The following PHKB variants were observed in gnomAD, a reference collection of about 807,000 sequenced individuals.
The protein encoded by PHKB is phosphorylase b kinase regulatory subunit beta.
A neutral mutation model predicts 152.1 loss-of-function variants in PHKB; 122 were observed. That is an observed-to-expected ratio of 0.80 (90% CI 0.69 to 0.93). The LOEUF is 0.93. Among genes scored for constraint, PHKB ranks in the 40% least tolerant of loss-of-function variants. PHKB has a pLI of 0.00. For synonymous variants in PHKB, 436 were observed against 464.9 expected, an observed-to-expected ratio of 0.94 and a Z score of 0.80; for missense variants, 1,304 against 1,328.4, an observed-to-expected ratio of 0.98 and a Z score of 0.29.
chr16:47,661,654 T>C (rs1283269952), intron 22 of PHKB, 65 bp from the exon 23 acceptor site: 1 of 997,474 alleles, frequency 1.0e-6, no homozygotes. Flanking sequence ...TTGTGATTAG[T>C]TACCCTCTGT....
intron 14 of PHKB, among the ~76,000 whole-genome samples, chr16:47,638,072 ATAC>A (rs1229153589): frequency 6.6e-6 from 1 of 152,152 alleles, no homozygotes; most frequent in Admixed American, 6.5e-5. Flanking sequence ...TCCCCTGCCA[ATAC>A]CATCACCTTG....
chr16:47,639,923 C>G (rs1185187265), intron 14 of PHKB, among the ~76,000 whole-genome samples: 1 of 152,078 alleles, frequency 6.6e-6, no homozygotes, highest in African/African-American at 2.4e-5. Context: ...TTTTCTCACC[C>G]TTTTGGAAAA....
At chr16:47,697,221 C>T (rs987094577) in intron 29 of PHKB, among the ~76,000 whole-genome samples, 4 of 152,188 alleles carry the variant, frequency 2.6e-5, no homozygotes, top group Non-Finnish European at 4.4e-5. Flanking sequence ...CTTATTGCTA[C>T]GGAAGCTCTG....
chr16:47,468,655 CAAAAT>C (rs1401886328), intron 1 of PHKB, among the ~76,000 whole-genome samples: 1 of 152,160 alleles, frequency 6.6e-6, no homozygotes, highest in Non-Finnish European at 1.5e-5. Flanking sequence ...CTGTGTCTCA[CAAAAT>C]AAAATAAATA....
At chr16:47,637,605 GAA>G (rs1972944221) in intron 14 of PHKB, among the ~76,000 whole-genome samples, 1 of 152,174 alleles carries the variant, frequency 6.6e-6, no homozygotes, top group Non-Finnish European at 1.5e-5. Flanking sequence ...AGAATGAATA[GAA>G]TGAATATGTG....
At chr16:47,632,034 A>G (rs984210314) in intron 14 of PHKB, among the ~76,000 whole-genome samples, 4 of 152,158 alleles carry the variant, frequency 2.6e-5, no homozygotes, top group Admixed American at 2.0e-4. Flanking sequence ...GCTGTCGTGT[A>G]TTTCCATATG....
At chr16:47,675,991 C>A (rs1412489836) in intron 26 of PHKB, 1 of 152,154 alleles carries the variant, frequency 6.6e-6, no homozygotes, top group East Asian at 1.9e-4. Context: ...TATTAGACTT[C>A]ATCCTCAATA....
intron 16 of PHKB, among the ~76,000 whole-genome samples, chr16:47,645,427 C>A (rs1973098691): frequency 1.8e-5 from 2 of 110,220 alleles, no homozygotes; most frequent in Admixed American, 2.1e-4. Context: ...CAGCTTTCTA[C>A]ATATGGCTAG....
intron 1 of PHKB, among the ~76,000 whole-genome samples, chr16:47,476,660 T>G (rs948789797): frequency 1.3e-5 from 2 of 152,238 alleles, no homozygotes; most frequent in African/African-American, 4.8e-5. Flanking sequence ...CTTAGTTTTT[T>G]AAATTCTACT....
In PHKB at chr16:47,610,878, A is replaced by G. The variant is rs762405846; in HGVS notation, c.1416A>G (p.Pro472=). The part of the protein sequence containing the change: ...KDIDPVQRYV[P]LKDQRNVSMR... The stretch of plus-strand genomic sequence containing the variant: ...TTGATCCTGTCCAGCGCTATGTCCC[A>G]CTAAAGGATCAACGTAACGTGAGCA... The change falls in exon 14 of 31, where the codon CCA becomes CCG. Residue 472 remains proline, a synonymous_variant. Coordinates refer to ENST00000323584, the MANE Select transcript of PHKB (RefSeq NM_000293.3). 1 of 1,608,530 alleles carries G rather than the reference A, an allele frequency of 6.2e-7. No individual in the cohort carries two copies. Among genetic ancestry groups the G allele is most frequent in the Non-Finnish European group, 8.5e-7 (1 of 1,174,914 alleles).
chr16:47,613,760 T>G (rs1972468728), intron 14 of PHKB, among the ~76,000 whole-genome samples: 2 of 152,218 alleles, frequency 1.3e-5, no homozygotes, highest in African/African-American at 4.8e-5. Flanking sequence ...TTTATAATCA[T>G]ACCCACTTCC....
intron 7 of PHKB, among the ~76,000 whole-genome samples, chr16:47,570,321 T>G (rs1348649059): frequency 1.3e-5 from 2 of 152,250 alleles, no homozygotes; most frequent in Non-Finnish European, 2.9e-5. Flanking sequence ...TTTGGATGTC[T>G]AAATCTCTAG....
intron 1 of PHKB, among the ~76,000 whole-genome samples, chr16:47,489,915 A>G (rs1970117842): frequency 6.6e-6 from 1 of 152,220 alleles, no homozygotes. Context: ...GAATACTCAC[A>G]GATAGTTTCC....
chr16:47,617,869 A>C (rs1480789010), intron 14 of PHKB, among the ~76,000 whole-genome samples: 2 of 152,220 alleles, frequency 1.3e-5, no homozygotes, highest in African/African-American at 4.8e-5. Context: ...AGAACATGAA[A>C]GGCTTTAAGA....
rs367754565 is a variant in PHKB at position 47,570,039 on chromosome 16, T to G, written c.711-10256T>G. On this transcript the variant is annotated intron_variant, in intron 7 of 30. Transcript: ENST00000323584. ...TTGAAAGTCTTTATTTTGCCTTCAT[T>G]TCTTAAACTTAGTTTTGCTCTGTGC... Among the ~76,000 whole-genome samples the G allele has an allele frequency of 5.3e-5, 8 of 152,380 alleles. No individual in the cohort carries two copies. In the South Asian group the frequency reaches 8.3e-4, roughly 16 times the overall value.
chr16:47,509,057 A>G (rs1426786697), intron 4 of PHKB, among the ~76,000 whole-genome samples: 1 of 152,204 alleles, frequency 6.6e-6, no homozygotes, highest in Non-Finnish European at 1.5e-5. Context: ...CCACCTTGTC[A>G]ACTGCAGGAG....
At chr16:47,534,371 T>A (rs772396287) in intron 6 of PHKB, among the ~76,000 whole-genome samples, 6 of 152,240 alleles carry the variant, frequency 3.9e-5, no homozygotes, top group African/African-American at 7.2e-5. Flanking sequence ...GTTACTTCAA[T>A]GTATGTATAG....
intron 1 of PHKB, among the ~76,000 whole-genome samples, chr16:47,484,983 G>A (rs1379550562): frequency 6.6e-6 from 1 of 152,064 alleles, no homozygotes; most frequent in Non-Finnish European, 1.5e-5. Context: ...AAAGTACTTA[G>A]TTATCTATAT....
intron 7 of PHKB, among the ~76,000 whole-genome samples, chr16:47,551,786 G>A (rs545389878): frequency 9.2e-5 from 14 of 152,226 alleles, no homozygotes; most frequent in South Asian, 2.1e-4. Flanking sequence ...TTTCTGTCTC[G>A]TTATTTGTCT....
Sources: allele counts gnomAD v4.1 joint callset (sites outside exome capture counted in the v4.1 genomes callset), GRCh38; gene constraint gnomAD v4.1.1; transcripts MANE v1.5; gene names NCBI Gene and HGNC (gene_info 2026-07-23, HGNC 2026-07-21).